Variants in OR3A2 observed in about 807,000 individuals in gnomAD.
OR3A2 encodes the protein olfactory receptor 3A2.
For missense variants in OR3A2, 318 were observed against 392.8 expected (o/e 0.81, Z 1.61); for synonymous variants, 126 against 159.3 (o/e 0.79, Z 1.57).
intron 3 of OR3A2, among the ~76,000 whole-genome samples, chr17:3,326,430 A>AGC (rs2049173223): frequency 6.6e-6 from 1 of 151,994 alleles, no homozygotes; most frequent in Non-Finnish European, 1.5e-5. Flanking sequence ...GGGACCCCAA[A>AGC]TGGAGGGACC....
intron 2 of OR3A2, among the ~76,000 whole-genome samples, chr17:3,363,426 C>A (rs923140986): frequency 7.3e-5 from 11 of 151,670 alleles, no homozygotes; most frequent in Admixed American, 6.6e-4. Context: ...GCAAGAGTAA[C>A]CTTTACTCCA....
chr17:3,345,436 G>GAT (rs4060603), intron 2 of OR3A2, among the ~76,000 whole-genome samples: 25,812 of 88,928 alleles, frequency 0.29, 3,005 homozygotes, highest in East Asian at 0.56. Context: ...GAGAGAGAGA[G>GAT]AGATAGAGAC....
At chr17:3,356,494 C>T (rs1742679902) in intron 2 of OR3A2, among the ~76,000 whole-genome samples, 1 of 151,388 alleles carries the variant, frequency 6.6e-6, no homozygotes, top group Non-Finnish European at 1.5e-5. Context: ...GATATTTTAG[C>T]AACCATATGC....
intron 2 of OR3A2, among the ~76,000 whole-genome samples, chr17:3,355,020 C>G (rs2049453470): frequency 6.6e-6 from 1 of 151,314 alleles, no homozygotes; most frequent in South Asian, 2.1e-4. Context: ...GCCCACTGGT[C>G]ATTCAGGAGT....
intron 3 of OR3A2, among the ~76,000 whole-genome samples, chr17:3,289,479 G>C (rs569003319): frequency 6.6e-6 from 1 of 152,330 alleles, no homozygotes; most frequent in Non-Finnish European, 1.5e-5. Flanking sequence ...TCTCCTTGAG[G>C]CTTGAAGTAA....
intron 2 of OR3A2, among the ~76,000 whole-genome samples, chr17:3,368,000 A>G (rs2049579106): frequency 6.6e-6 from 1 of 152,144 alleles, no homozygotes; most frequent in African/African-American, 2.4e-5. Context: ...AGTGATGTTG[A>G]GCATTTTTTC....
intron 2 of OR3A2, among the ~76,000 whole-genome samples, chr17:3,359,631 GC>G (rs2049492527): frequency 6.6e-6 from 1 of 151,784 alleles, no homozygotes; most frequent in African/African-American, 2.4e-5. Context: ...TAGGGTTTTA[GC>G]TGAGAGGTCT....
At chr17:3,292,483 A>C in intron 3 of OR3A2, 1 of 1,613,792 alleles carries the variant, frequency 6.2e-7, no homozygotes. Context: ...GCAAAGAGGA[A>C]GAGCACAAAG....
At chr17:3,353,913 A>ATT (rs71153346) in intron 2 of OR3A2, among the ~76,000 whole-genome samples, 232 of 150,754 alleles carry the variant, frequency 1.5e-3, no homozygotes, top group African/African-American at 9.5e-4. Context: ...TTATTCATCC[A>ATT]TTTTTTTTTG....
At chr17:3,278,890 T>A in exon 2 of OR3A2, 1 of 1,519,684 alleles carries the variant, frequency 6.6e-7, no homozygotes. Flanking sequence ...GCAACAGCGG[T>A]CCTATTGGTC....
intron 3 of OR3A2, among the ~76,000 whole-genome samples, chr17:3,333,441 C>T (rs1467448114): frequency 1.3e-5 from 2 of 152,140 alleles, no homozygotes; most frequent in African/African-American, 2.4e-5. Context: ...TCTTTATTGG[C>T]CTCAGAAACA....
chr17:3,371,267 C>T (rs1295819636), intron 2 of OR3A2, among the ~76,000 whole-genome samples: 7 of 151,578 alleles, frequency 4.6e-5, no homozygotes, highest in South Asian at 2.1e-4. Flanking sequence ...ACCTCCCTCC[C>T]GGACGGGGCG....
Position 3,280,750 on chromosome 17 carries a change from A to C in OR3A2, c.-6-1827T>G, listed in dbSNP as rs552591029. 2.8e-4 allele frequency among the ~76,000 whole-genome samples: 43 copies of C among 152,362 alleles called. No individual in the cohort carries two copies. The Middle Eastern group carries it at 0.01, about 36-fold the overall frequency. On this transcript the variant is annotated intron_variant, in intron 1 of 1. Transcript: ENST00000642052. ...CAGTGATGATTGCCTGAGCTGGGGC[A>C]GTGAAATGCAGAGGCAGGAATGATT...
At chr17:3,383,377 T>A (rs2049754540) in intron 2 of OR3A2, among the ~76,000 whole-genome samples, 2 of 152,228 alleles carry the variant, frequency 1.3e-5, no homozygotes, top group South Asian at 4.1e-4. Flanking sequence ...TCTATTAGCA[T>A]CCGTTCCCTG....
At chr17:3,323,897 G>T (rs1233370822) in intron 3 of OR3A2, among the ~76,000 whole-genome samples, 1 of 151,968 alleles carries the variant, frequency 6.6e-6, no homozygotes, top group South Asian at 2.1e-4. Flanking sequence ...GAATTTGAAT[G>T]TCGGCCTGCC....
intron 2 of OR3A2, among the ~76,000 whole-genome samples, chr17:3,350,165 C>T (rs1273390608): frequency 4.6e-5 from 7 of 151,266 alleles, no homozygotes; most frequent in Admixed American, 4.0e-4. Context: ...TAGCAGAAGG[C>T]AAGAAATAAC....
At chr17:3,363,877 GAA>G (rs1157812300) in intron 2 of OR3A2, among the ~76,000 whole-genome samples, 3 of 152,164 alleles carry the variant, frequency 2.0e-5, no homozygotes, top group African/African-American at 7.2e-5. Flanking sequence ...GAAAGAGAGA[GAA>G]AGAGTGAAGG....
At chr17:3,336,643 T>C (rs1054352898) in intron 2 of OR3A2, among the ~76,000 whole-genome samples, 1 of 152,214 alleles carries the variant, frequency 6.6e-6, no homozygotes, top group Non-Finnish European at 1.5e-5. Flanking sequence ...AATAAATGTA[T>C]AAAGAATATC....
At chr17:3,326,236 T>C (rs899388369) in intron 3 of OR3A2, among the ~76,000 whole-genome samples, 4 of 152,150 alleles carry the variant, frequency 2.6e-5, no homozygotes, top group African/African-American at 9.7e-5. Flanking sequence ...TTATGAATAG[T>C]GCTGCAATGA....
Sources: gnomAD v4.1 joint callset for allele counts (sites outside exome capture counted in the v4.1 genomes callset) on GRCh38, gnomAD v4.1.1 for gene constraint, MANE v1.5 for transcripts, NCBI Gene and HGNC (gene_info 2026-07-23, HGNC 2026-07-21) for gene names.